The following PCDH1 variants were observed in gnomAD, a reference collection of about 807,000 sequenced individuals.
PCDH1 encodes the protein protocadherin-1.
Under a neutral mutation model 74.6 loss-of-function variants are expected in PCDH1, and 23 were observed. That is an observed-to-expected ratio of 0.31 (90% CI 0.22 to 0.44). The LOEUF (loss-of-function observed/expected upper bound fraction) is 0.44. Among genes scored for constraint, PCDH1 ranks in the 20% least tolerant of loss-of-function variants. PCDH1 has a pLI of 1.00. For missense variants in PCDH1, 1,214 were observed against 1,641.4 expected (o/e 0.74, Z 4.50); for synonymous variants, 647 against 686.1 (o/e 0.94, Z 0.89).
intron 2 of PCDH1, chr5:141,867,588 CTT>C (rs1752902691): frequency 2.2e-6 from 1 of 454,272 alleles, no homozygotes; most frequent in African/African-American, 2.0e-5. Context: ...TTCTCAGTCT[CTT>C]TTCCAGGTCC....
Position 141,857,304 on chromosome 5 carries a change from A to G in PCDH1, c.3267T>C (p.Tyr1089=). The G allele has an allele frequency of 6.2e-7, 1 of 1,612,820 alleles. No homozygotes were observed. Among genetic ancestry groups the G allele is most frequent in the Non-Finnish European group, 8.5e-7 (1 of 1,179,642 alleles). Residue 1089 remains tyrosine (Y), a synonymous_variant, in exon 4 of 5, where the codon TAT becomes TAC. Transcript: ENST00000287008. ...TGCTGCCATCAGGGGTGGTGCGCTCATAGTGATCCTCAGGCAGGGCCAGGG... is the reference window on the plus strand; with the variant it reads ...TGCTGCCATCAGGGGTGGTGCGCTCGTAGTGATCCTCAGGCAGGGCCAGGG... ...LGPLALPEDH[Y]ERTTPDGSIG...
In PCDH1 at chr5:141,854,136, G is replaced by C; in HGVS notation, c.3620C>G (p.Thr1207Ser). 1 of 1,596,400 alleles carries C rather than the reference G, an allele frequency of 6.3e-7. No homozygotes were observed. The highest frequency in any genetic ancestry group is 8.6e-7 in the Non-Finnish European group (1 of 1,169,048). ...SSHDSCKDSA[T>S]LEEIPLTQTS... ...CTGGGTCAGGGGGATTTCCTCCAAG[G>C]TGGCCGAGTCCTTGCAGGAATCATG... Residue 1207 changes from threonine to serine, a missense_variant, in exon 5 of 5, where the codon ACC becomes AGC. Physicochemically the swap from Thr to Ser is moderately conservative, Grantham distance 58. This residue lies in a region of PCDH1 where 194 missense variants were observed against 198.3 expected (regional missense o/e 0.98). Transcript: ENST00000287008.
chr5:141,857,169 T>C (rs571171861), intron 4 of PCDH1, 83 bp downstream of exon 4: 12 of 1,133,292 alleles, frequency 1.1e-5, no homozygotes, highest in African/African-American at 4.7e-5. Context: ...ACTCAATACA[T>C]AGATGATTTG....
intron 1 of PCDH1, among the ~76,000 whole-genome samples, chr5:141,870,074 T>C (rs1339375207): frequency 6.6e-6 from 1 of 152,234 alleles, no homozygotes; most frequent in Non-Finnish European, 1.5e-5. Flanking sequence ...GCATGAGGTA[T>C]GACATCTCAA....
intron 4 of PCDH1, among the ~76,000 whole-genome samples, chr5:141,856,536 C>T (rs1752346269): frequency 6.6e-6 from 1 of 152,148 alleles, no homozygotes; most frequent in Non-Finnish European, 1.5e-5. Flanking sequence ...TCCCCCTCCA[C>T]AGGCTGCCAT....
rs200143790 is a variant in PCDH1 at position 141,863,296 on chromosome 5, G to A, written c.3035C>T (p.Thr1012Met). ...TFVGTGDTTSTGSEQYSDYSY... is the reference protein window; with the variant it reads ...TFVGTGDTTSMGSEQYSDYSY... ...GTAGTCGGAGTACTGCTCAGAGCCCGTGGACGTGGTGTCCCCGGTGCCCAC... is the reference window on the plus strand; with the variant it reads ...GTAGTCGGAGTACTGCTCAGAGCCCATGGACGTGGTGTCCCCGGTGCCCAC... Residue 1012 changes from threonine to methionine, a missense_variant, in exon 3 of 5, where the codon ACG becomes ATG. Coordinates refer to ENST00000287008, the MANE Select transcript of PCDH1 (RefSeq NM_032420.5). This position sits in a 1 kb window ranked among gnomAD's most constrained non-coding sequence, Gnocchi z 7.5. 9.7e-4 allele frequency: 1,529 copies of A among 1,573,538 alleles called. 29 individuals carry two copies. The South Asian group carries it at 0.015, about 16-fold the overall frequency.
rs993873747 is a variant in PCDH1, at chr5:141,863,856, G to T, written c.2475C>A (p.Leu825=). 3.1e-6 allele frequency: 5 copies of T among 1,614,184 alleles called. No individual in the cohort carries two copies. Among genetic ancestry groups the T allele is most frequent in the Non-Finnish European group, 4.2e-6 (5 of 1,180,026 alleles). The change falls in exon 3 of 5, where the codon CTC becomes CTA. Residue 825 remains leucine (L), a synonymous_variant. Transcript: ENST00000287008. This position sits in a 1 kb window ranked among gnomAD's most constrained non-coding sequence, Gnocchi z 7.5. ...TLANRTLLET[L]LGHSLDTPLD... is the part of the protein sequence containing the mutation. ...GCGGCGTGTCCAGGCTGTGGCCCAGGAGGGTCTCCAGCAGCGTGCGGTTGG... is the reference window on the plus strand; with the variant it reads ...GCGGCGTGTCCAGGCTGTGGCCCAGTAGGGTCTCCAGCAGCGTGCGGTTGG...
In PCDH1 at chr5:141,864,259, C is replaced by G; in HGVS notation, c.2072G>C (p.Gly691Ala). The G allele has an allele frequency of 1.2e-6, 2 of 1,612,352 alleles. No homozygotes were observed. The highest frequency in any genetic ancestry group is 1.3e-5 in the African/African-American group (1 of 75,000). ...YTFQLKAVDG[G>A]VPPRSAYVGV... ...AACGTAAGCTGAGCGAGGTGGGACG[C>G]CACCATCCACTGCCTTCAGCTGGAA... The change falls in exon 3 of 5, where the codon GGC (glycine) becomes GCC (alanine). Residue 691 changes from glycine to alanine, a missense_variant. Physicochemically the swap from Gly to Ala is moderately conservative, Grantham distance 60. Coordinates refer to ENST00000287008, the MANE Select transcript of PCDH1 (RefSeq NM_032420.5). The surrounding 1 kb of genome is among the most constrained non-coding windows in gnomAD (Gnocchi z 5.9).
Position 141,865,479 on chromosome 5 carries a change from A to G in PCDH1, c.904-52T>C. On this transcript the variant is annotated intron_variant, in intron 2 of 4. Transcript: ENST00000287008. This position sits in a 1 kb window ranked among gnomAD's most constrained non-coding sequence, Gnocchi z 4.4. The stretch of plus-strand genomic sequence containing the variant: ...AGAACAGAGATGGTTTAGATCAGGG[A>G]TAGCAAATAAAGGGGCACACATGCT... The G allele has an allele frequency of 6.4e-7, 1 of 1,566,602 alleles. No homozygotes were observed. Among genetic ancestry groups the G allele is most frequent in the Non-Finnish European group, 8.6e-7 (1 of 1,157,476 alleles).
At chr5:141,862,522 T>C in intron 3 of PCDH1, 1 of 515,766 alleles carries the variant, frequency 1.9e-6, no homozygotes, top group Non-Finnish European at 2.5e-6. Context: ...TGGGGTACAA[T>C]GGGCAGGTCT....
intron 3 of PCDH1, 50 bp from the exon 4 acceptor site, chr5:141,857,521 C>A: frequency 6.6e-7 from 1 of 1,518,084 alleles, no homozygotes; most frequent in South Asian, 1.2e-5. Flanking sequence ...GCCCACAGGG[C>A]CCACCACCAT....
intron 1 of PCDH1, among the ~76,000 whole-genome samples, chr5:141,876,092 C>T (rs1160341728): frequency 6.6e-6 from 1 of 152,174 alleles, no homozygotes; most frequent in African/African-American, 2.4e-5. Flanking sequence ...GCGCGCGGAG[C>T]GACTCCTCCC....
rs574191377 is a variant in PCDH1 at position 141,854,290 on chromosome 5, C to A, written c.3466G>T (p.Val1156Leu). Reference sequence around the variant, plus strand: ...TGCCCTCCTCGGTCCTGGTAAGGCACGAAGGTGGAGAGTTTGAGGGCGCTG... The same window carrying A: ...TGCCCTCCTCGGTCCTGGTAAGGCAAGAAGGTGGAGAGTTTGAGGGCGCTG... ...KSSALKLSTF[V>L]PYQDRGGQEP... Residue 1156 changes from valine to leucine, a missense_variant, in exon 5 of 5, where the codon GTG becomes TTG. By Grantham distance (32) the Val-to-Leu change is conservative. Around this residue, in one of 4 missense-constraint regions of PCDH1, gnomAD observed 194 missense variants for 198.3 expected, o/e 0.98. Coordinates refer to ENST00000287008, the MANE Select transcript of PCDH1 (RefSeq NM_032420.5). The A allele has an allele frequency of 1.2e-6, 2 of 1,613,584 alleles. No homozygotes were observed. Among genetic ancestry groups the A allele is most frequent in the Admixed American group, 3.3e-5 (2 of 59,982 alleles).
chr5:141,870,240 A>G (rs2126829211), intron 1 of PCDH1, among the ~76,000 whole-genome samples: 1 of 152,332 alleles, frequency 6.6e-6, no homozygotes. Context: ...CAGAACGTGC[A>G]CACAGGCCAC....
intron 1 of PCDH1, among the ~76,000 whole-genome samples, chr5:141,871,126 GC>G (rs1372865384): frequency 1.3e-5 from 2 of 152,224 alleles, no homozygotes; most frequent in Non-Finnish European, 2.9e-5. Context: ...TGAGTTCTCT[GC>G]CTTTCCAGGC....
At chr5:141,861,811 G>A (rs974737349) in intron 3 of PCDH1, among the ~76,000 whole-genome samples, 3 of 151,790 alleles carry the variant, frequency 2.0e-5, no homozygotes, top group African/African-American at 7.3e-5. Context: ...CTCCAACTCA[G>A]GCACAACCAG....
In PCDH1 at chr5:141,868,556, G is replaced by C; in HGVS notation, c.903+13C>G. The C allele has an allele frequency of 6.6e-7, 1 of 1,523,262 alleles. No homozygotes were observed. Among genetic ancestry groups the C allele is most frequent in the Non-Finnish European group, 8.8e-7 (1 of 1,137,082 alleles). 94.4% of individuals were successfully genotyped at this position (1,523,262 alleles called of 1,614,324 possible). A position where few individuals can be genotyped will look rare whatever the true frequency, so the allele number is the denominator to read the frequency against. On this transcript the variant is annotated intron_variant, in intron 2 of 4. Transcript: ENST00000287008. This position sits in a 1 kb window ranked among gnomAD's most constrained non-coding sequence, Gnocchi z 4.8. ...TGGGTCACCCTGACAGTTATACGGA[G>C]GGGGCCTCTCACCTGGATGACCGAG...
chr5:141,874,540 T>C (rs1753172439), intron 1 of PCDH1, among the ~76,000 whole-genome samples: 1 of 151,910 alleles, frequency 6.6e-6, no homozygotes, highest in South Asian at 2.1e-4. Context: ...GTCAGGGGTG[T>C]AGGAGTAAGG....
chr5:141,856,806 T>C (rs955165329), intron 4 of PCDH1, among the ~76,000 whole-genome samples: 1 of 152,148 alleles, frequency 6.6e-6, no homozygotes, highest in Non-Finnish European at 1.5e-5. Context: ...CCAATCTCTA[T>C]TCTCAAGGCC....
Sources: allele counts gnomAD v4.1 joint callset (sites outside exome capture counted in the v4.1 genomes callset), GRCh38; gene constraint gnomAD v4.1.1; regional missense constraint gnomAD v4.1.1; non-coding constraint Gnocchi (gnomAD v3.1); transcripts MANE v1.5; gene names NCBI Gene and HGNC (gene_info 2026-07-23, HGNC 2026-07-21).